The following MYO5A variants were observed in gnomAD, a reference collection of about 807,000 sequenced individuals.
The protein encoded by MYO5A is myosin VA.
In MYO5A, 98 loss-of-function variants were observed where a neutral mutation model predicts 249.7. The observed-to-expected ratio is 0.39, with a 90% CI of 0.33 to 0.46. The LOEUF (loss-of-function observed/expected upper bound fraction) is 0.46. Among genes scored for constraint, MYO5A ranks in the 20% least tolerant of loss-of-function variants. The probability of loss-of-function intolerance (pLI) is 0.98; values close to 1 mark genes in which losing one functional copy is unlikely to be tolerated. For missense variants in MYO5A, 1,696 were observed against 2,308.8 expected (o/e 0.73, Z 5.44); for synonymous variants, 778 against 810.6 (o/e 0.96, Z 0.68).
At chr15:52,449,873 T>C (rs958955066) in intron 1 of MYO5A, among the ~76,000 whole-genome samples, 4 of 152,124 alleles carry the variant, frequency 2.6e-5, no homozygotes, top group South Asian at 2.1e-4. Flanking sequence ...TGATAGCACA[T>C]GCCTGCAGTC....
At chr15:52,374,277 A>G (rs2041285060) in intron 20 of MYO5A, among the ~76,000 whole-genome samples, 1 of 152,240 alleles carries the variant, frequency 6.6e-6, no homozygotes, top group South Asian at 2.1e-4. Flanking sequence ...TGTCAATACA[A>G]TTTTAACCAC....
At chr15:52,517,666 G>A (rs538567602) in intron 1 of MYO5A, among the ~76,000 whole-genome samples, 20 of 152,238 alleles carry the variant, frequency 1.3e-4, no homozygotes, top group African/African-American at 4.1e-4. Flanking sequence ...AGCCAAGATC[G>A]CACCAATGTG....
At chr15:52,482,214 T>G (rs1488770425) in intron 1 of MYO5A, among the ~76,000 whole-genome samples, 1 of 152,208 alleles carries the variant, frequency 6.6e-6, no homozygotes, top group Non-Finnish European at 1.5e-5. Flanking sequence ...ATCTCTTTTC[T>G]CCTATAGGCC....
chr15:52,331,636 T>A, intron 34 of MYO5A: 2 of 981,668 alleles, frequency 2.0e-6, no homozygotes, highest in Non-Finnish European at 2.4e-6. Flanking sequence ...TCTGGGTAAT[T>A]TCCTGGGTTA....
intron 1 of MYO5A, among the ~76,000 whole-genome samples, chr15:52,461,039 C>T (rs555246309): frequency 1.7e-4 from 26 of 152,296 alleles, no homozygotes; most frequent in African/African-American, 6.3e-4. Context: ...GCAGCCTCAA[C>T]CTTCCCAGGC....
chr15:52,492,233 A>G (rs1396794860), intron 1 of MYO5A, among the ~76,000 whole-genome samples: 1 of 152,234 alleles, frequency 6.6e-6, no homozygotes, highest in Admixed American at 6.5e-5. Flanking sequence ...AAGACTCAGC[A>G]TATAACTGTA....
chr15:52,473,148 G>T (rs1368870299), intron 1 of MYO5A, among the ~76,000 whole-genome samples: 1 of 152,218 alleles, frequency 6.6e-6, no homozygotes, highest in Non-Finnish European at 1.5e-5. Flanking sequence ...GGTCAGTGAT[G>T]ATGAGCATTT....
At chr15:52,478,775 C>T (rs1402294793) in intron 1 of MYO5A, among the ~76,000 whole-genome samples, 5 of 152,096 alleles carry the variant, frequency 3.3e-5, no homozygotes, top group Non-Finnish European at 4.4e-5. Context: ...ACTGTTCACA[C>T]GGGGATGGTT....
intron 1 of MYO5A, among the ~76,000 whole-genome samples, chr15:52,519,987 C>T (rs1040311422): frequency 2.0e-5 from 3 of 152,122 alleles, no homozygotes; most frequent in African/African-American, 4.8e-5. Flanking sequence ...CCTTGGCCTC[C>T]CAAAGTGCTG....
At chr15:52,494,741 C>G (rs1386762280) in intron 1 of MYO5A, among the ~76,000 whole-genome samples, 1 of 152,212 alleles carries the variant, frequency 6.6e-6, no homozygotes, top group Non-Finnish European at 1.5e-5. Context: ...GATCCACCCA[C>G]TTTGGCCTCC....
At chr15:52,512,868 C>A (rs914020655) in intron 1 of MYO5A, among the ~76,000 whole-genome samples, 1 of 152,142 alleles carries the variant, frequency 6.6e-6, no homozygotes, top group Non-Finnish European at 1.5e-5. Flanking sequence ...TGGCTCACAC[C>A]TGTAATCCCA....
intron 1 of MYO5A, among the ~76,000 whole-genome samples, chr15:52,460,656 T>TGCGAGGGCGAGGGCGAGG (rs150007594): frequency 6.6e-6 from 1 of 151,578 alleles, no homozygotes; most frequent in African/African-American, 2.4e-5. Flanking sequence ...ACGAGGACCG[T>TGCGAGGGCGAGGGCGAGG]GCGAGGGCGA....
chr15:52,523,948 G>A (rs1026973194), intron 1 of MYO5A, among the ~76,000 whole-genome samples: 6 of 129,798 alleles, frequency 4.6e-5, no homozygotes, highest in Non-Finnish European at 8.9e-5. Flanking sequence ...GAATTTCCAA[G>A]ATCAGTAGTT....
At chr15:52,526,922 C>T (rs556024866) in intron 1 of MYO5A, among the ~76,000 whole-genome samples, 1 of 152,206 alleles carries the variant, frequency 6.6e-6, no homozygotes, top group Non-Finnish European at 1.5e-5. Flanking sequence ...CCATATAGAA[C>T]GGAGGGTGTC....
chr15:52,376,930 T>C (rs1008432635), intron 18 of MYO5A, among the ~76,000 whole-genome samples: 1 of 152,208 alleles, frequency 6.6e-6, no homozygotes, highest in Non-Finnish European at 1.5e-5. Context: ...CAGCGGGCTG[T>C]ATATTCCATG....
chr15:52,335,582 C>A (rs968491589), intron 34 of MYO5A, among the ~76,000 whole-genome samples: 1 of 149,714 alleles, frequency 6.7e-6, no homozygotes, highest in African/African-American at 2.5e-5. Flanking sequence ...GATCCCTGTA[C>A]CTATAACTCT....
intron 8 of MYO5A, among the ~76,000 whole-genome samples, chr15:52,406,556 T>A (rs1443466537): frequency 1.3e-5 from 2 of 152,212 alleles, no homozygotes; most frequent in African/African-American, 4.8e-5. Flanking sequence ...ACACTGTAAT[T>A]AGCAGTGCTT....
At chr15:52,333,583 T>C (rs1382589171) in intron 34 of MYO5A, among the ~76,000 whole-genome samples, 1 of 152,208 alleles carries the variant, frequency 6.6e-6, no homozygotes, top group Admixed American at 6.5e-5. Flanking sequence ...CTTAATTTCT[T>C]GATTCCATGA....
rs2242059 is a variant in MYO5A, at chr15:52,384,010, G to A, written c.1914+151C>T. The A allele has an allele frequency of 0.95, 839,649 of 883,480 alleles. 406,173 individuals carry two copies. The highest frequency in any genetic ancestry group is 0.99 in the Non-Finnish European group (572,486 of 576,666). 54.7% of individuals were successfully genotyped at this position (883,480 alleles called of 1,614,324 possible). ...CAGGTCTAAAACTGGGTGGAGAAGAGTTTTAGTGGATGGTGTCGTATGATC... is the reference window on the plus strand; with the variant it reads ...CAGGTCTAAAACTGGGTGGAGAAGAATTTTAGTGGATGGTGTCGTATGATC... On this transcript the variant is annotated intron_variant, in intron 15 of 41. Coordinates refer to ENST00000399233, the MANE Select transcript of MYO5A (RefSeq NM_001382347.1).
Sources: allele counts gnomAD v4.1 joint callset (sites outside exome capture counted in the v4.1 genomes callset), GRCh38; gene constraint gnomAD v4.1.1; transcripts MANE v1.5; gene names NCBI Gene and HGNC (gene_info 2026-07-23, HGNC 2026-07-21).